Variants in AGBL4 observed in about 807,000 individuals in gnomAD.
AGBL4 encodes the protein cytosolic carboxypeptidase 6.
AGBL4 carries 58 observed loss-of-function variants against 66.4 expected under a neutral mutation model. That is an observed-to-expected ratio of 0.87 (90% CI 0.71 to 1.09). The LOEUF (loss-of-function observed/expected upper bound fraction) is 1.09. Among genes scored for constraint, AGBL4 ranks in the 50% least tolerant of loss-of-function variants. AGBL4 has a pLI of 0.00. For synonymous variants in AGBL4, 234 were observed against 222.9 expected (o/e 1.05, Z -0.44); for missense variants, 579 against 631.0 (o/e 0.92, Z 0.88).
chr1:48,957,330 A>G (rs1020504361), intron 5 of AGBL4, among the ~76,000 whole-genome samples: 1 of 152,198 alleles, frequency 6.6e-6, no homozygotes, highest in Non-Finnish European at 1.5e-5. Context: ...CATGTATTCA[A>G]CTTCGGTATA....
chr1:49,693,302 T>C (rs1646923986), intron 3 of AGBL4, among the ~76,000 whole-genome samples: 1 of 152,126 alleles, frequency 6.6e-6, no homozygotes, highest in Non-Finnish European at 1.5e-5. Context: ...CAAAATAAAA[T>C]TTGGGTAACA....
chr1:48,905,963 T>C (rs545948998), intron 5 of AGBL4, among the ~76,000 whole-genome samples: 1 of 152,284 alleles, frequency 6.6e-6, no homozygotes, highest in African/African-American at 2.4e-5. Context: ...TGACAAAAAT[T>C]CCTTCCCCCC....
intron 2 of AGBL4, among the ~76,000 whole-genome samples, chr1:49,733,670 G>A (rs866488781): frequency 6.6e-6 from 1 of 152,222 alleles, no homozygotes; most frequent in Middle Eastern, 3.4e-3. Flanking sequence ...CCTTCAGAGA[G>A]GTGTTTAGGT....
At chr1:49,080,319 C>A (rs1207074261) in intron 4 of AGBL4, among the ~76,000 whole-genome samples, 1 of 152,048 alleles carries the variant, frequency 6.6e-6, no homozygotes, top group Non-Finnish European at 1.5e-5. Flanking sequence ...CAATATGGTA[C>A]CCAGAGGTTA....
At chr1:49,462,362 A>G (rs985616039) in intron 3 of AGBL4, among the ~76,000 whole-genome samples, 1 of 151,746 alleles carries the variant, frequency 6.6e-6, no homozygotes, top group Non-Finnish European at 1.5e-5. Flanking sequence ...GATAGAATCA[A>G]TAAGACTTGG....
intron 1 of AGBL4, among the ~76,000 whole-genome samples, chr1:50,002,915 T>G (rs2148422698): frequency 6.6e-6 from 1 of 152,162 alleles, no homozygotes; most frequent in South Asian, 2.1e-4. Flanking sequence ...AAAAGTAAAG[T>G]AAAAATAACA....
chr1:49,198,538 C>T (rs1433490746), intron 4 of AGBL4, among the ~76,000 whole-genome samples: 2 of 152,000 alleles, frequency 1.3e-5, no homozygotes, highest in African/African-American at 4.8e-5. Flanking sequence ...TGGGGTATCA[C>T]CATGTTGGCC....
At chr1:49,379,016 G>A (rs1644531862) in intron 3 of AGBL4, among the ~76,000 whole-genome samples, 2 of 152,050 alleles carry the variant, frequency 1.3e-5, no homozygotes, top group African/African-American at 2.4e-5. Flanking sequence ...ACTGGAAGAG[G>A]ACTGAGGCCT....
intron 5 of AGBL4, among the ~76,000 whole-genome samples, chr1:48,949,486 A>G (rs1656790816): frequency 6.6e-6 from 1 of 152,232 alleles, no homozygotes; most frequent in African/African-American, 2.4e-5. Flanking sequence ...CAGCAACACT[A>G]GGAAGAATGG....
chr1:48,933,346 C>T (rs1336470644), intron 5 of AGBL4, among the ~76,000 whole-genome samples: 2 of 152,142 alleles, frequency 1.3e-5, no homozygotes, highest in African/African-American at 4.8e-5. Flanking sequence ...ATACAATGGC[C>T]ATCCAACTTT....
At chr1:48,875,109 C>G (rs1019343007) in intron 5 of AGBL4, among the ~76,000 whole-genome samples, 1 of 152,166 alleles carries the variant, frequency 6.6e-6, no homozygotes, top group Non-Finnish European at 1.5e-5. Context: ...CCCCTGCCCT[C>G]AAAGAGCTAG....
intron 1 of AGBL4, among the ~76,000 whole-genome samples, chr1:49,958,308 C>T (rs1314198798): frequency 2.6e-5 from 4 of 151,982 alleles, no homozygotes; most frequent in African/African-American, 9.7e-5. Context: ...TCCTTCATTT[C>T]AACTTTGGTG....
At chr1:49,755,873 A>G (rs918171792) in intron 2 of AGBL4, among the ~76,000 whole-genome samples, 2 of 152,174 alleles carry the variant, frequency 1.3e-5, no homozygotes, top group African/African-American at 4.8e-5. Flanking sequence ...AAACTTAACT[A>G]TGTCACTCAC....
chr1:49,968,060 C>A (rs1557626570), intron 1 of AGBL4, among the ~76,000 whole-genome samples: 1 of 151,928 alleles, frequency 6.6e-6, no homozygotes, highest in Non-Finnish European at 1.5e-5. Flanking sequence ...CCCATCTCTA[C>A]TAAAATACAA....
intron 3 of AGBL4, among the ~76,000 whole-genome samples, chr1:49,400,596 A>AACT (rs1435690799): frequency 2.6e-5 from 4 of 151,598 alleles, no homozygotes; most frequent in African/African-American, 9.7e-5. Flanking sequence ...TTCTTTGGTT[A>AACT]ACTACTAGGT....
chr1:49,409,717 A>G (rs189721008), intron 3 of AGBL4, among the ~76,000 whole-genome samples: 12 of 152,318 alleles, frequency 7.9e-5, no homozygotes, highest in Admixed American at 7.8e-4. Context: ...TATCTATTTC[A>G]AAGGATTTAT....
intron 6 of AGBL4, among the ~76,000 whole-genome samples, chr1:48,702,451 C>T (rs144924169): frequency 2.6e-5 from 4 of 152,220 alleles, no homozygotes; most frequent in African/African-American, 9.6e-5. Flanking sequence ...ACAACTACGC[C>T]TAGCTAATTT....
chr1:48,596,206 T>C (rs1399417319), intron 9 of AGBL4, among the ~76,000 whole-genome samples: 1 of 152,078 alleles, frequency 6.6e-6, no homozygotes, highest in Non-Finnish European at 1.5e-5. Flanking sequence ...AATTACTTGA[T>C]TATAGTAAGG....
At chr1:49,437,131 G>A (rs183432445) in intron 3 of AGBL4, among the ~76,000 whole-genome samples, 71 of 152,266 alleles carry the variant, frequency 4.7e-4, no homozygotes, top group Non-Finnish European at 9.1e-4. Flanking sequence ...GAGAGTTGGA[G>A]TTGAGGACAG....
Sources: allele counts gnomAD v4.1 joint callset (sites outside exome capture counted in the v4.1 genomes callset), GRCh38; gene constraint gnomAD v4.1.1; transcripts MANE v1.5; gene names NCBI Gene and HGNC (gene_info 2026-07-23, HGNC 2026-07-21).